DYSF: variants seen among roughly 807,000 people sequenced by gnomAD.
DYSF encodes the protein dysferlin.
A neutral mutation model predicts 274.9 loss-of-function variants in DYSF; 212 were observed. The observed-to-expected ratio is 0.77, with a 90% CI of 0.69 to 0.86. The LOEUF (loss-of-function observed/expected upper bound fraction) is 0.86. DYSF is among the 40% of genes least tolerant of loss of function. DYSF has a pLI of 0.00. For missense variants in DYSF, 2,666 were observed against 2,783.2 expected (o/e 0.96, Z 0.95); for synonymous variants, 1,091 against 1,078.7 (o/e 1.01, Z -0.22).
intron 16 of DYSF, among the ~76,000 whole-genome samples, chr2:71,538,423 C>G (rs1345567494): frequency 6.6e-6 from 1 of 152,154 alleles, no homozygotes; most frequent in Non-Finnish European, 1.5e-5. Flanking sequence ...CCCCTGGAAG[C>G]AGGCCCTATG....
At position 71,570,295 on chromosome 2, in the gene DYSF, G is replaced by A; in HGVS notation, c.3046G>A (p.Glu1016Lys). 6.2e-7 allele frequency: 1 copy of A among 1,614,184 alleles called. No homozygotes were observed. Among genetic ancestry groups the A allele is most frequent in the Non-Finnish European group, 8.5e-7 (1 of 1,180,026 alleles). ...ACTGGGCTGGAAGTGGGAAGATGAG[G>A]AATGGTCCACAGACCTCAACCGGGC... Reference protein sequence around the residue: ...CPLGWKWEDEEWSTDLNRAVD... With the variant: ...CPLGWKWEDEKWSTDLNRAVD... Residue 1016 changes from glutamate to lysine, a missense_variant, in exon 28 of 56, where the codon GAA becomes AAA. Around this residue, in one of 3 missense-constraint regions of DYSF, gnomAD observed 1,460 missense variants for 1,502.1 expected, o/e 0.97. Transcript: ENST00000410020.
In DYSF at chr2:71,653,554, G is replaced by A. The variant is rs1168217772; in HGVS notation, c.4627-2608G>A. On this transcript the variant is annotated intron_variant, in intron 42 of 55. Transcript: ENST00000410020. ...AAACCATCATTCTCAGCAAACTATC[G>A]CAAGGACAAAAAACCAAACACCGCA... is the stretch of plus-strand genomic sequence containing the variant. 1.7e-3 allele frequency among the ~76,000 whole-genome samples: 260 copies of A among 150,664 alleles called. 6 individuals carry two copies. Among genetic ancestry groups the A allele is most frequent in the Middle Eastern group, 3.5e-3 (1 of 286 alleles).
chr2:71,529,381 C>A (rs530570757), intron 14 of DYSF, among the ~76,000 whole-genome samples: 42 of 152,330 alleles, frequency 2.8e-4, no homozygotes, highest in African/African-American at 9.6e-4. Context: ...GGCCATTTGT[C>A]CAAGTACTGG....
At chr2:71,537,256 G>C (rs1465646239) in intron 16 of DYSF, among the ~76,000 whole-genome samples, 11 of 142,642 alleles carry the variant, frequency 7.7e-5, no homozygotes, top group Non-Finnish European at 4.5e-5. Flanking sequence ...TGCGGGGGGC[G>C]TGGTGGGAGG....
In DYSF at chr2:71,515,659, G is replaced by T. The variant is rs1573657614; in HGVS notation, c.796G>T (p.Gly266Trp). The stretch of plus-strand genomic sequence containing the variant: ...GGTGATCGAGGGGCGCCAGCTGCCG[G>T]GGGTGAACATCAAGCCTGTGGTCAA... The part of the protein sequence containing the change: ...VQVIEGRQLP[G>W]VNIKPVVKVT... Residue 266 changes from glycine to tryptophan, a missense_variant, in exon 8 of 56, where the codon GGG becomes TGG. Transcript: ENST00000410020. 8.7e-6 allele frequency: 14 copies of T among 1,613,974 alleles called. No individual in the cohort carries two copies. Among genetic ancestry groups the T allele is most frequent in the Non-Finnish European group, 1.2e-5 (14 of 1,179,962 alleles).
At chr2:71,503,431 A>C in intron 4 of DYSF, 112 bp downstream of exon 4, 1 of 1,121,124 alleles carries the variant, frequency 8.9e-7, no homozygotes, top group Non-Finnish European at 1.3e-6. Flanking sequence ...AGCTCCCTTG[A>C]AGCAGGCCTG....
intron 41 of DYSF, among the ~76,000 whole-genome samples, chr2:71,626,546 T>C (rs1341290884): frequency 6.6e-6 from 1 of 151,820 alleles, no homozygotes; most frequent in Non-Finnish European, 1.5e-5. Flanking sequence ...ATATTAGTAC[T>C]TAAACAACTT....
intron 52 of DYSF, among the ~76,000 whole-genome samples, chr2:71,678,445 T>G (rs574428995): frequency 6.6e-6 from 1 of 152,036 alleles, no homozygotes; most frequent in Non-Finnish European, 1.5e-5. Flanking sequence ...AGAACAAATA[T>G]TGTATGATTC....
At chr2:71,618,269 G>GGCGTATA (rs2152888662) in intron 40 of DYSF, among the ~76,000 whole-genome samples, 1 of 22,638 alleles carries the variant, frequency 4.4e-5, no homozygotes, top group Non-Finnish European at 8.9e-5. Context: ...TGGTAGAGGT[G>GGCGTATA]TGTGTGTGTG....
At chr2:71,612,573 C>G in intron 38 of DYSF, 68 bp from the exon 39 acceptor site, 1 of 1,596,408 alleles carries the variant, frequency 6.3e-7, no homozygotes, top group Non-Finnish European at 8.6e-7. Context: ...ATTTTCTGCT[C>G]TTTGGGCTTG....
intron 10 of DYSF, among the ~76,000 whole-genome samples, chr2:71,517,501 T>C (rs10195806): frequency 0.79 from 120,908 of 152,098 alleles, 49,303 homozygotes; most frequent in African/African-American, 0.88. Flanking sequence ...AAAAGATGTA[T>C]AGCACCTTTG....
chr2:71,671,904 G>C (rs1008520927), intron 51 of DYSF, among the ~76,000 whole-genome samples: 1 of 152,198 alleles, frequency 6.6e-6, no homozygotes, highest in Non-Finnish European at 1.5e-5. Flanking sequence ...ATATGGAAGG[G>C]ACTGCCTGAT....
intron 1 of DYSF, among the ~76,000 whole-genome samples, chr2:71,457,954 G>A (rs2081137650): frequency 3.3e-5 from 5 of 152,172 alleles, no homozygotes; most frequent in Admixed American, 3.3e-4. Flanking sequence ...TTGGGCGGGG[G>A]GCTCAGAAGA....
chr2:71,497,443 A>C (rs1368998938), intron 3 of DYSF, among the ~76,000 whole-genome samples: 1 of 152,140 alleles, frequency 6.6e-6, no homozygotes, highest in Non-Finnish European at 1.5e-5. Context: ...AGGTTTTATA[A>C]AGTGGTTCCC....
chr2:71,679,032 G>A, intron 52 of DYSF, 25 bp from the exon 53 acceptor site: 1 of 1,613,254 alleles, frequency 6.2e-7, no homozygotes, highest in Non-Finnish European at 8.5e-7. Context: ...GAAACCCTTG[G>A]CCAAAAACTA....
chr2:71,528,983 C>T (rs1005453426), intron 14 of DYSF, among the ~76,000 whole-genome samples: 8 of 152,208 alleles, frequency 5.3e-5, no homozygotes. Flanking sequence ...GCAGCCCCAG[C>T]CCTCCCAGGC....
At chr2:71,625,327 A>G (rs1236947261) in intron 41 of DYSF, among the ~76,000 whole-genome samples, 1 of 152,112 alleles carries the variant, frequency 6.6e-6, no homozygotes, top group South Asian at 2.1e-4. Context: ...ACACTTCAGT[A>G]TTTATTTCAC....
At chr2:71,483,474 G>A (rs925201221) in intron 3 of DYSF, among the ~76,000 whole-genome samples, 1 of 152,106 alleles carries the variant, frequency 6.6e-6, no homozygotes, top group Non-Finnish European at 1.5e-5. Context: ...AGAAGGGGAG[G>A]GTATTCCAGC....
At chr2:71,474,637 G>T (rs1004349338) in intron 1 of DYSF, among the ~76,000 whole-genome samples, 1 of 152,078 alleles carries the variant, frequency 6.6e-6, no homozygotes, top group Non-Finnish European at 1.5e-5. Context: ...TCTCCTCTTT[G>T]GGGCTGCAGC....
Sources: gnomAD v4.1 joint callset for allele counts (sites outside exome capture counted in the v4.1 genomes callset) on GRCh38, gnomAD v4.1.1 for gene constraint, gnomAD v4.1.1 regional missense constraint, MANE v1.5 for transcripts, NCBI Gene and HGNC (gene_info 2026-07-23, HGNC 2026-07-21) for gene names.